OBSL1: variants seen among roughly 807,000 people sequenced by gnomAD.
The protein encoded by OBSL1 is obscurin-like protein 1.
Under a neutral mutation model 172.0 loss-of-function variants are expected in OBSL1, and 160 were observed. The ratio of observed to expected loss-of-function variants is 0.93; its 90% confidence interval spans 0.82 to 1.06. The LOEUF is 1.06. OBSL1 is among the 50% of genes least tolerant of loss of function. The probability of loss-of-function intolerance (pLI) is 0.00; values close to 1 mark genes in which losing one functional copy is unlikely to be tolerated. For missense variants in OBSL1, 2,681 were observed against 2,715.4 expected (o/e 0.99, Z 0.28); for synonymous variants, 1,200 against 1,196.3 (o/e 1.00, Z -0.06).
intron 20 of OBSL1, 128 bp from the exon 21 acceptor site, chr2:219,550,970 C>A: frequency 6.5e-7 from 1 of 1,534,170 alleles, no homozygotes; most frequent in Non-Finnish European, 8.8e-7. Flanking sequence ...CTTTCTGGGC[C>A]TTGGTTAGGG....
At chr2:219,547,813 G>A (rs1357773857), downstream of OBSL1, 1 of 1,592,080 alleles carries the variant, frequency 6.3e-7, no homozygotes, top group South Asian at 1.1e-5. Context: ...GGGGCGGCCT[G>A]CTCTGTGCCC....
downstream of OBSL1, chr2:219,547,495 T>A: frequency 7.1e-7 from 1 of 1,417,116 alleles, no homozygotes. Context: ...CTAGCCCCTG[T>A]TCCCCTCCAG....
intron 5 of OBSL1, among the ~76,000 whole-genome samples, chr2:219,566,470 G>A (rs529676133): frequency 1.3e-5 from 2 of 152,320 alleles, no homozygotes; most frequent in East Asian, 1.9e-4. Context: ...CACGTAGAAA[G>A]TTGCGATGAC....
chr2:219,560,977 GAC>G (rs1328907456), intron 8 of OBSL1, among the ~76,000 whole-genome samples: 2 of 152,188 alleles, frequency 1.3e-5, no homozygotes, highest in Non-Finnish European at 2.9e-5. Context: ...CCTGTGAAGA[GAC>G]TGGTGTTTGT....
rs762088079 is a variant in OBSL1 at position 219,551,697 on chromosome 2, C to A, written c.5515G>T (p.Val1839Leu). 4.3e-6 allele frequency: 7 copies of A among 1,610,728 alleles called. No homozygotes were observed. Among genetic ancestry groups the A allele is most frequent in the South Asian group, 2.2e-5 (2 of 90,936 alleles). Residue 1839 changes from valine (V) to leucine (L), a missense_variant, in exon 20 of 21, where the codon GTG (valine) becomes TTG (leucine). This residue lies in a region of OBSL1 where 1,765 missense variants were observed against 1,748.3 expected (regional missense o/e 1.01). Transcript: ENST00000404537. ...TCGGCCCCCTCCCGCAGCCAGCACA[C>A]GTGGCCCCCCGAGCGGGACACAGTC... ...EVTVSRSGGHVCWLREGAELC... is the reference protein window; with the variant it reads ...EVTVSRSGGHLCWLREGAELC...
chr2:219,557,807 C>T lies in OBSL1; in HGVS notation c.3790+16G>A, dbSNP rs1287424072. Reference sequence around the variant, plus strand: ...CTTGGTGCCACTCTCAGGCTTAATGCCCAGGCTGTACTCACCAGCCACCTG... The same window carrying T: ...CTTGGTGCCACTCTCAGGCTTAATGTCCAGGCTGTACTCACCAGCCACCTG... On this transcript the variant is annotated intron_variant, in intron 11 of 20. Transcript: ENST00000404537. The T allele has an allele frequency of 1.3e-6, 2 of 1,583,858 alleles. No individual in the cohort carries two copies. Among genetic ancestry groups the T allele is most frequent in the East Asian group, 4.5e-5 (2 of 44,794 alleles).
In OBSL1 at chr2:219,553,588, C is replaced by T. The variant is rs1695789278; in HGVS notation, c.4975G>A (p.Val1659Ile). The change falls in exon 16 of 21, where the codon GTT becomes ATT. Residue 1659 changes from valine to isoleucine, a missense_variant. Around this residue, in one of 5 missense-constraint regions of OBSL1, gnomAD observed 1,765 missense variants for 1,748.3 expected, o/e 1.01. Coordinates refer to ENST00000404537, the MANE Select transcript of OBSL1 (RefSeq NM_015311.3). Reference protein sequence around the residue: ...ECELSQALADVTWEKDGNALT... With the variant: ...ECELSQALADITWEKDGNALT... ...TGGGATCTGACCTTCTCCCAGGTAA[C>T]ATCAGCCAAAGCTTGGGAAAGCTCG... 2 of 1,613,652 alleles carry T rather than the reference C, an allele frequency of 1.2e-6. No individual in the cohort carries two copies. The highest frequency in any genetic ancestry group is 8.5e-7 in the Non-Finnish European group (1 of 1,179,750).
chr2:219,559,104 A>G, intron 9 of OBSL1, 121 bp downstream of exon 9: 2 of 1,006,250 alleles, frequency 2.0e-6, no homozygotes, highest in South Asian at 3.4e-5. Flanking sequence ...TGATGGCCAA[A>G]CATGAGGAAG....
chr2:219,554,386 G>A, intron 15 of OBSL1, 88 bp downstream of exon 15: 1 of 1,460,102 alleles, frequency 6.8e-7, no homozygotes, highest in Non-Finnish European at 9.4e-7. Flanking sequence ...GGTCAGTGGG[G>A]GTCACACGAG....
rs757026695 is a variant in OBSL1, at chr2:219,558,245, G to A, written c.3441C>T (p.Asp1147=). The change falls in exon 10 of 21, where the codon GAC becomes GAT. Residue 1147 remains aspartate (D), a synonymous_variant. Coordinates refer to ENST00000404537, the MANE Select transcript of OBSL1 (RefSeq NM_015311.3). ...TLTLPHAQPE[D]AGEYVCETRH... ...GGGTCTCACACACATACTCCCCGGC[G>A]TCCTCAGGCTGGGCGTGGGGCAGGG... 2.5e-5 allele frequency: 40 copies of A among 1,610,560 alleles called. No homozygotes were observed. Among genetic ancestry groups the A allele is most frequent in the Middle Eastern group, 1.6e-4 (1 of 6,074 alleles).
intron 15 of OBSL1, among the ~76,000 whole-genome samples, chr2:219,554,063 G>A (rs924299283): frequency 6.6e-6 from 1 of 152,098 alleles, no homozygotes; most frequent in South Asian, 2.1e-4. Context: ...GATGTCGCCC[G>A]TAGGCAGTCA....
downstream of OBSL1, chr2:219,549,797 T>C (rs751508877): frequency 3.1e-6 from 5 of 1,614,138 alleles, no homozygotes; most frequent in Middle Eastern, 1.6e-4. Context: ...ATGCGGACTA[T>C]GAGTATGGGT....
chr2:219,552,337 C>T, intron 18 of OBSL1, 121 bp from the exon 19 acceptor site: 1 of 991,480 alleles, frequency 1.0e-6, no homozygotes, highest in Non-Finnish European at 1.5e-6. Context: ...CTAGGGTGGG[C>T]GGAACAGGGA....
At position 219,553,015 on chromosome 2, in the gene OBSL1, C is replaced by G. The variant is rs906839897; in HGVS notation, c.4999G>C (p.Ala1667Pro). ...ADVTWEKDGN[A>P]LTPSPRLRLQ... The stretch of plus-strand genomic sequence containing the variant: ...CGGAGCCGCGGGCTAGGCGTAAGCG[C>G]GTTCCCGTCCTAGGGGCGGGAGTTG... Residue 1667 changes from alanine to proline, a missense_variant, in exon 17 of 21, where the codon GCG (alanine) becomes CCG (proline). Physicochemically the swap from Ala to Pro is conservative, Grantham distance 27. This residue lies in a region of OBSL1 where 1,765 missense variants were observed against 1,748.3 expected (regional missense o/e 1.01). Transcript: ENST00000404537. The G allele has an allele frequency of 2.0e-6, 3 of 1,512,590 alleles. No homozygotes were observed. The highest frequency in any genetic ancestry group is 2.9e-5 in the African/African-American group (2 of 69,926). 93.7% of individuals were successfully genotyped at this position (1,512,590 alleles called of 1,614,324 possible).
intron 14 of OBSL1, chr2:219,555,486 C>G (rs913167142): frequency 1.2e-5 from 3 of 248,672 alleles, no homozygotes; most frequent in African/African-American, 7.0e-5. Flanking sequence ...TGCTATGTTG[C>G]CCAGGATGGC....
chr2:219,552,909 A>G lies in OBSL1; in HGVS notation c.5105T>C (p.Val1702Ala). ...GACCGGTCCGGCGCGGGCCGTCCCC[A>G]CCGCGCAGCTGTAGGTCCCGGCGTC... is the stretch of plus-strand genomic sequence containing the variant. ...PSDAGTYSCA[V>A]GTARAGPVRL... The change falls in exon 17 of 21, where the codon GTG (valine) becomes GCG (alanine). Residue 1702 changes from valine to alanine, a missense_variant. By Grantham distance (64) the Val-to-Ala change is moderately conservative. Coordinates refer to ENST00000404537, the MANE Select transcript of OBSL1 (RefSeq NM_015311.3). The G allele has an allele frequency of 1.3e-6, 2 of 1,540,014 alleles. No homozygotes were observed. The highest frequency in any genetic ancestry group is 1.7e-6 in the Non-Finnish European group (2 of 1,145,194).
In OBSL1 at chr2:219,562,615, C is replaced by G; in HGVS notation, c.2740G>C (p.Glu914Gln). The change falls in exon 8 of 21, where the codon GAG (glutamate) becomes CAG (glutamine). Residue 914 changes from glutamate to glutamine, a missense_variant. Transcript: ENST00000404537. ...GKVYVAAVRL[E>Q]RVVLTCELCR... ...AGCTCACAGGTCAGCACCACACGCT[C>G]CAGGCGCACGGCTGCCACATACACC... 1 of 1,600,622 alleles carries G rather than the reference C, an allele frequency of 6.2e-7. No homozygotes were observed. The highest frequency in any genetic ancestry group is 1.1e-5 in the South Asian group (1 of 89,494).
chr2:219,570,596 T>G lies in OBSL1; in HGVS notation c.637A>C (p.Asn213His). 6.6e-7 allele frequency: 1 copy of G among 1,515,710 alleles called. No individual in the cohort carries two copies. The highest frequency in any genetic ancestry group is 8.8e-7 in the Non-Finnish European group (1 of 1,136,140). The allele number at this position is 1,515,710 out of a possible 1,614,324, so 93.9% of individuals were successfully genotyped here. Reference protein sequence around the residue: ...DSGVYVCHARNAHGHAQAGAL... With the variant: ...DSGVYVCHARHAHGHAQAGAL... Reference sequence around the variant, plus strand: ...CCCGCCTGCGCGTGGCCGTGCGCGTTGCGGGCGTGGCACACGTAGACGCCG... The same window carrying G: ...CCCGCCTGCGCGTGGCCGTGCGCGTGGCGGGCGTGGCACACGTAGACGCCG... Residue 213 changes from asparagine (N) to histidine (H), a missense_variant, in exon 1 of 21, where the codon AAC becomes CAC. Physicochemically the swap from Asn to His is moderately conservative, Grantham distance 68 (BLOSUM62 1). Coordinates refer to ENST00000404537, the MANE Select transcript of OBSL1 (RefSeq NM_015311.3).
At chr2:219,548,963 A>G, downstream of OBSL1, 1 of 624,568 alleles carries the variant, frequency 1.6e-6, no homozygotes, top group Admixed American at 3.0e-5. Context: ...CTATGGAAGA[A>G]AAGAACAACA....
Sources: gnomAD v4.1 joint callset for allele counts (sites outside exome capture counted in the v4.1 genomes callset) on GRCh38, gnomAD v4.1.1 for gene constraint, gnomAD v4.1.1 regional missense constraint, MANE v1.5 for transcripts, NCBI Gene and HGNC (gene_info 2026-07-23, HGNC 2026-07-21) for gene names.